CIP2A: variants seen among roughly 807,000 people sequenced by gnomAD.
The protein encoded by CIP2A is cellular inhibitor of PP2A, also known as protein CIP2A.
CIP2A carries 103 observed loss-of-function variants against 110.9 expected under a neutral mutation model. The ratio of observed to expected loss-of-function variants is 0.93; its 90% CI spans 0.79 to 1.09. CIP2A has a LOEUF of 1.09. Ranked by LOEUF, CIP2A falls within the 50% of genes least tolerant of loss-of-function variation. The pLI, the probability that CIP2A is intolerant of heterozygous loss-of-function variation, is 0.00. For missense variants in CIP2A, 1,088 were observed against 1,038.4 expected, an observed-to-expected ratio of 1.05 and a Z score of -0.66; for synonymous variants, 381 against 361.6, an observed-to-expected ratio of 1.05 and a Z score of -0.61.
intron 8 of CIP2A, among the ~76,000 whole-genome samples, chr3:108,573,332 TA>T (rs1455101732): frequency 6.6e-6 from 1 of 152,036 alleles, no homozygotes; most frequent in African/African-American, 2.4e-5. Context: ...ATTACATATT[TA>T]AAAAAAGACA....
intron 7 of CIP2A, 125 bp downstream of exon 7, chr3:108,579,156 T>TC: frequency 1.4e-6 from 1 of 726,244 alleles, no homozygotes; most frequent in Non-Finnish European, 2.3e-6. Flanking sequence ...CATCAAAACA[T>TC]TTTAGTCTAC....
At chr3:108,554,287 T>C in intron 18 of CIP2A, 89 bp downstream of exon 18, 1 of 557,242 alleles carries the variant, frequency 1.8e-6, no homozygotes. Context: ...CTATTAATTT[T>C]ATCAATAAAA....
chr3:108,581,597 G>A, intron 4 of CIP2A, 86 bp from the exon 5 acceptor site: 2 of 753,818 alleles, frequency 2.7e-6, no homozygotes, highest in Middle Eastern at 3.5e-4. Flanking sequence ...AAATGATATA[G>A]TTAAGTTTAT....
chr3:108,553,894 T>TAGAAAAAAAAAAAAAAAAAAAAA (rs1303036231), intron 18 of CIP2A, among the ~76,000 whole-genome samples, 164 bp from the exon 19 acceptor site: 1 of 49,706 alleles, frequency 2.0e-5, no homozygotes, highest in Non-Finnish European at 4.0e-5. Context: ...CTACTAAAAA[T>TAGAAAAAAAAAAAAAAAAAAAAA]ATAAAAAAAA....
intron 13 of CIP2A, among the ~76,000 whole-genome samples, chr3:108,562,336 G>C (rs1463403680): frequency 6.6e-6 from 1 of 152,130 alleles, no homozygotes; most frequent in Non-Finnish European, 1.5e-5. Flanking sequence ...AACATAGACA[G>C]AGTATAAAAA....
At chr3:108,585,033 A>G in intron 2 of CIP2A, 32 bp downstream of exon 2, 1 of 1,587,008 alleles carries the variant, frequency 6.3e-7, no homozygotes, top group Non-Finnish European at 8.6e-7. Flanking sequence ...TACATCTTCC[A>G]AAAACTAAAA....
chr3:108,581,974 A>C (rs1938895508), intron 4 of CIP2A, 134 bp downstream of exon 4: 3 of 455,620 alleles, frequency 6.6e-6, no homozygotes, highest in Non-Finnish European at 1.2e-5. Context: ...ATCTGGGCAG[A>C]ACAAATAAGA....
At chr3:108,552,557 A>C (rs1937621015) in intron 19 of CIP2A, among the ~76,000 whole-genome samples, 184 bp from the exon 20 acceptor site, 1 of 152,184 alleles carries the variant, frequency 6.6e-6, no homozygotes, top group African/African-American at 2.4e-5. Context: ...TCTGTTCTAA[A>C]TATAATATGC....
chr3:108,569,426 G>A lies in CIP2A; in HGVS notation c.1076C>T (p.Ser359Phe), dbSNP rs761772390. 6.2e-7 allele frequency: 1 copy of A among 1,612,386 alleles called. No homozygotes were observed. Among genetic ancestry groups the A allele is most frequent in the South Asian group, 1.1e-5 (1 of 91,040 alleles). The change falls in exon 9 of 21, where the codon TCT becomes TTT. Residue 359 changes from serine to phenylalanine, a missense_variant. Physicochemically the swap from Ser to Phe is radical, Grantham distance 155 (BLOSUM62 -2). Coordinates refer to ENST00000295746, the MANE Select transcript of CIP2A (RefSeq NM_020890.3). ...CTTGAACAACTCCAATGCTAAAACAGAACAGTTTTCTGATCCGTCCAAAGG... is the reference window on the plus strand; with the variant it reads ...CTTGAACAACTCCAATGCTAAAACAAAACAGTTTTCTGATCCGTCCAAAGG... ...SQPLDGSENC[S>F]VLALELFKEI...
intron 13 of CIP2A, among the ~76,000 whole-genome samples, chr3:108,562,051 C>T (rs1290551911): frequency 1.3e-5 from 2 of 152,056 alleles, no homozygotes; most frequent in Non-Finnish European, 2.9e-5. Flanking sequence ...GAAAAGCTTC[C>T]TGTGTATTTT....
Position 108,559,964 on chromosome 3 carries a change from G to T in CIP2A, c.1892C>A (p.Ser631Tyr). The change falls in exon 15 of 21, where the codon TCC becomes TAC. Residue 631 changes from serine to tyrosine, a missense_variant. Ser to Tyr is a moderately radical substitution (Grantham distance 144). Transcript: ENST00000295746. ...TAAGCTTATACTCACAGCTAATGTG[G>T]ATAGTTTCATTTCATATACATCCAT... ...DIMDVYEMKL[S>Y]TLASKESRLQ... 1 of 1,594,968 alleles carries T rather than the reference G, an allele frequency of 6.3e-7. No individual in the cohort carries two copies. The highest frequency in any genetic ancestry group is 8.6e-7 in the Non-Finnish European group (1 of 1,164,232).
chr3:108,575,273 C>T (rs1938537656), intron 8 of CIP2A, among the ~76,000 whole-genome samples: 1 of 150,568 alleles, frequency 6.6e-6, no homozygotes, highest in African/African-American at 2.5e-5. Flanking sequence ...TGTGTATATA[C>T]ACACACACGT....
Position 108,552,246 on chromosome 3 carries a change from CTCTTT to C in CIP2A, c.2530_2534del (p.Lys844ValfsTer4). 1 of 1,558,810 alleles carries C rather than the reference CTCTTT, an allele frequency of 6.4e-7. No individual in the cohort carries two copies. Among genetic ancestry groups the C allele is most frequent in the South Asian group, 1.2e-5 (1 of 80,838 alleles). Reference sequence around the variant, plus strand: ...AACAGATTCTTACCTTAATGCTCAACTCTTTTCTTATCTGTTCTGTTCTGCTTAAT... The same window carrying C: ...AACAGATTCTTACCTTAATGCTCAACTCTTATCTGTTCTGTTCTGCTTAAT... On this transcript the variant is annotated frameshift_variant, in exon 20 of 21. Transcript: ENST00000295746. LOFTEE classifies it high-confidence loss of function.
At chr3:108,555,192 A>C (rs1450243520) in intron 17 of CIP2A, among the ~76,000 whole-genome samples, 1 of 152,206 alleles carries the variant, frequency 6.6e-6, no homozygotes, top group Non-Finnish European at 1.5e-5. Flanking sequence ...CACTAGCTGG[A>C]ACATAAGCAG....
chr3:108,569,177 T>TATATATATATATATAA (rs374983042), intron 9 of CIP2A, among the ~76,000 whole-genome samples: 1 of 69,032 alleles, frequency 1.4e-5, no homozygotes, highest in African/African-American at 4.6e-5. Context: ...ACTATATATA[T>TATATATATATATATAA]ATATACATAC....
Position 108,579,629 on chromosome 3 carries a change from A to T in CIP2A, c.609T>A (p.Thr203=). The part of the protein sequence containing the change: ...LITLLAHSSL[T]VVVFALSILS... Reference sequence around the variant, plus strand: ...ATATTGAAAGTGCAAACACAACCACAGTTAAACTACTATGGGCCAACAAGG... The same window carrying T: ...ATATTGAAAGTGCAAACACAACCACTGTTAAACTACTATGGGCCAACAAGG... The change falls in exon 6 of 21, where the codon ACT becomes ACA. Residue 203 remains threonine (T), a synonymous_variant. Coordinates refer to ENST00000295746, the MANE Select transcript of CIP2A (RefSeq NM_020890.3). The T allele has an allele frequency of 2.5e-6, 4 of 1,606,462 alleles. No individual in the cohort carries two copies. Among genetic ancestry groups the T allele is most frequent in the Non-Finnish European group, 3.4e-6 (4 of 1,175,816 alleles).
At chr3:108,580,374 CCTTAT>C in intron 5 of CIP2A, among the ~76,000 whole-genome samples, 1 of 141,008 alleles carries the variant, frequency 7.1e-6, no homozygotes, top group African/African-American at 2.5e-5. Flanking sequence ...GTTTATTCTT[CCTTAT>C]ATTTAAGTGT....
At chr3:108,558,011 C>T (rs575187198) in intron 16 of CIP2A, among the ~76,000 whole-genome samples, 9 of 152,024 alleles carry the variant, frequency 5.9e-5, no homozygotes, top group East Asian at 1.9e-4. Flanking sequence ...TCTGTTTTTA[C>T]GACTTTGTGA....
chr3:108,553,226 A>G (rs902150044), intron 19 of CIP2A, among the ~76,000 whole-genome samples: 38 of 146,264 alleles, frequency 2.6e-4, no homozygotes, highest in Admixed American at 1.5e-3. Context: ...ATCCAGGTTC[A>G]AGAGATTCTC....
Sources: gnomAD v4.1 joint callset for allele counts (sites outside exome capture counted in the v4.1 genomes callset) on GRCh38, gnomAD v4.1.1 for gene constraint, MANE v1.5 for transcripts, NCBI Gene and HGNC (gene_info 2026-07-23, HGNC 2026-07-21) for gene names.